The following IL1RAPL2 variants were observed in gnomAD, a reference collection of about 807,000 sequenced individuals.
The protein encoded by IL1RAPL2 is X-linked interleukin-1 receptor accessory protein-like 2.
In IL1RAPL2, 3 loss-of-function variants were observed where a neutral mutation model predicts 44.1. The ratio of observed to expected loss-of-function variants is 0.07; its 90% CI spans 0.03 to 0.18. The LOEUF (loss-of-function observed/expected upper bound fraction) is 0.18. Among genes scored for constraint, IL1RAPL2 ranks in the 10% least tolerant of loss-of-function variants. The pLI is 1.00. For synonymous variants in IL1RAPL2, 181 were observed against 178.8 expected (o/e 1.01, Z -0.10); for missense variants, 391 against 496.4 (o/e 0.79, Z 2.02).
intron 6 of IL1RAPL2, among the ~76,000 whole-genome samples, chrX:105,656,929 G>T (rs1348007577): frequency 8.9e-6 from 1 of 111,738 alleles, no homozygotes; most frequent in Non-Finnish European, 1.9e-5. Flanking sequence ...TCACACATAG[G>T]TTACATATAA....
chrX:104,915,248 G>C (rs1210100287), intron 2 of IL1RAPL2, among the ~76,000 whole-genome samples: 3 of 110,599 alleles, frequency 2.7e-5, no homozygotes, highest in African/African-American at 9.9e-5. Flanking sequence ...ACTTTTTAAT[G>C]ATCGCCATTC....
intron 1 of IL1RAPL2, among the ~76,000 whole-genome samples, chrX:104,585,493 T>C (rs1855666642): frequency 1.2e-5 from 1 of 86,461 alleles, no homozygotes; most frequent in Non-Finnish European, 2.2e-5. Flanking sequence ...GTTTGCTACG[T>C]AGGTAAACTT....
intron 5 of IL1RAPL2, among the ~76,000 whole-genome samples, chrX:105,447,618 CATAA>C (rs1178195254): frequency 1.6e-5 from 1 of 62,959 alleles, no homozygotes; most frequent in Admixed American, 2.6e-4. Flanking sequence ...AATATATAAA[CATAA>C]ATATATATTT....
intron 2 of IL1RAPL2, among the ~76,000 whole-genome samples, chrX:105,034,944 G>A (rs1360963382): frequency 9.0e-6 from 1 of 111,536 alleles, no homozygotes; most frequent in Non-Finnish European, 1.9e-5. Context: ...GGCAATGCGG[G>A]CGCCCCTCCC....
chrX:104,844,249 G>T (rs1921984874), intron 2 of IL1RAPL2, among the ~76,000 whole-genome samples: 1 of 110,939 alleles, frequency 9.0e-6, no homozygotes, highest in Non-Finnish European at 1.9e-5. Flanking sequence ...TGCACCAAGT[G>T]GTACAGATCA....
intron 2 of IL1RAPL2, among the ~76,000 whole-genome samples, chrX:105,171,192 G>A (rs1376459757): frequency 9.0e-6 from 1 of 111,349 alleles, no homozygotes; most frequent in African/African-American, 3.3e-5. Flanking sequence ...AAAGAAAATG[G>A]CCCTATTTGA....
At chrX:105,688,607 T>A (rs1254379468) in intron 6 of IL1RAPL2, among the ~76,000 whole-genome samples, 2 of 111,921 alleles carry the variant, frequency 1.8e-5, no homozygotes, top group Non-Finnish European at 3.8e-5. Flanking sequence ...TCCATGCTCA[T>A]GAAGAGGAAG....
chrX:104,572,372 A>T (rs189068544), intron 1 of IL1RAPL2, among the ~76,000 whole-genome samples: 56 of 111,893 alleles, frequency 5.0e-4, no homozygotes, highest in African/African-American at 1.7e-3. Context: ...CTGTTCACAT[A>T]ATCTAGCCAG....
At chrX:105,286,607 C>T (rs2034573785) in intron 5 of IL1RAPL2, among the ~76,000 whole-genome samples, 1 of 103,786 alleles carries the variant, frequency 9.6e-6, no homozygotes, top group African/African-American at 3.4e-5. Flanking sequence ...ACAAAACAGC[C>T]TTTTTTTTTT....
At chrX:105,230,275 A>G (rs1004155845) in intron 3 of IL1RAPL2, among the ~76,000 whole-genome samples, 10 of 110,313 alleles carry the variant, frequency 9.1e-5, no homozygotes, top group African/African-American at 2.3e-4. Context: ...TCAGACCTAC[A>G]TGGCTCTCTG....
intron 2 of IL1RAPL2, among the ~76,000 whole-genome samples, chrX:104,845,488 G>GA (rs768766651): frequency 8.9e-6 from 1 of 111,882 alleles, no homozygotes; most frequent in Admixed American, 9.5e-5. Context: ...GATTTTTAAA[G>GA]AAAAAATGAG....
intron 5 of IL1RAPL2, among the ~76,000 whole-genome samples, chrX:105,383,348 G>A (rs751603607): frequency 2.7e-5 from 3 of 111,056 alleles, no homozygotes; most frequent in East Asian, 2.9e-4. Context: ...GAGTGAGAAC[G>A]TACAATATTT....
chrX:104,920,159 G>A (rs996541325), intron 2 of IL1RAPL2, among the ~76,000 whole-genome samples: 5 of 111,054 alleles, frequency 4.5e-5, no homozygotes, highest in African/African-American at 9.8e-5. Flanking sequence ...ATACAGTCTC[G>A]AAGCAACTGG....
intron 6 of IL1RAPL2, among the ~76,000 whole-genome samples, chrX:105,624,357 A>G (rs768361917): frequency 8.2e-4 from 91 of 111,194 alleles, no homozygotes; most frequent in African/African-American, 2.8e-3. Flanking sequence ...GAGACTCCAG[A>G]GACTCCACCA....
At chrX:105,038,511 G>A (rs1054711399) in intron 2 of IL1RAPL2, among the ~76,000 whole-genome samples, 5 of 111,245 alleles carry the variant, frequency 4.5e-5, no homozygotes, top group Non-Finnish European at 9.4e-5. Context: ...ATACCACTTT[G>A]GTGGAAGAGC....
intron 2 of IL1RAPL2, among the ~76,000 whole-genome samples, chrX:105,188,467 A>G (rs1168296477): frequency 3.6e-5 from 4 of 111,801 alleles, no homozygotes; most frequent in African/African-American, 1.3e-4. Context: ...ATGCCTCACC[A>G]TGGCTTCACT....
chrX:104,871,378 A>ATC (rs1230851098), intron 2 of IL1RAPL2, among the ~76,000 whole-genome samples: 2 of 111,682 alleles, frequency 1.8e-5, no homozygotes, highest in African/African-American at 6.5e-5. Flanking sequence ...GATAATACAA[A>ATC]TCTGGGACAC....
At chrX:104,626,755 A>G (rs1929513914) in intron 1 of IL1RAPL2, among the ~76,000 whole-genome samples, 1 of 110,588 alleles carries the variant, frequency 9.0e-6, no homozygotes, top group African/African-American at 3.3e-5. Context: ...AATGCAATTG[A>G]TTAAGCTCAA....
chrX:105,169,397 G>GAA (rs201320856), intron 2 of IL1RAPL2, among the ~76,000 whole-genome samples: 3 of 86,374 alleles, frequency 3.5e-5, no homozygotes, highest in Non-Finnish European at 6.6e-5. Flanking sequence ...CTAATTCAGT[G>GAA]AAAAAAAAAA....
Sources: allele counts gnomAD v4.1 joint callset (sites outside exome capture counted in the v4.1 genomes callset), GRCh38; gene constraint gnomAD v4.1.1; transcripts MANE v1.5; gene names NCBI Gene and HGNC (gene_info 2026-07-23, HGNC 2026-07-21).